AHI1: variants seen among roughly 807,000 people sequenced by gnomAD.
AHI1 encodes jouberin.
Under a neutral mutation model 149.3 loss-of-function variants are expected in AHI1, and 123 were observed. The observed-to-expected ratio is 0.82, with a 90% CI of 0.71 to 0.96. The LOEUF is 0.96. Ranked by LOEUF, AHI1 falls within the 40% of genes least tolerant of loss-of-function variation. The pLI is 0.00. For synonymous variants in AHI1, 475 were observed against 459.8 expected (o/e 1.03, Z -0.42); for missense variants, 1,439 against 1,422.7 (o/e 1.01, Z -0.18).
chr6:135,455,643 TGC>T, intron 10 of AHI1, 89 bp downstream of exon 10: 1 of 994,364 alleles, frequency 1.0e-6, no homozygotes, highest in Non-Finnish European at 1.4e-6. Flanking sequence ...CTTTTTTTTT[TGC>T]CTTACTGGAC....
Position 135,386,452 on chromosome 6 carries a change from AG to A in AHI1, c.3109+8323del, listed in dbSNP as rs758512464. On this transcript the variant is annotated intron_variant, in intron 23 of 28. Transcript: ENST00000265602. ...CAGCCTCCCAAGTAGCTGGGACTAC[AG>A]GCACCTGCCACCGTGCCCAGCTAAT... Among the ~76,000 whole-genome samples, 11 of 151,944 alleles carry A rather than the reference AG, an allele frequency of 7.2e-5. No individual in the cohort carries two copies. In the South Asian group the frequency reaches 1.5e-3, roughly 20 times the overall value.
At chr6:135,310,032 T>A (rs147160433) in intron 26 of AHI1, among the ~76,000 whole-genome samples, 164 of 152,276 alleles carry the variant, frequency 1.1e-3, no homozygotes, top group African/African-American at 3.8e-3. Context: ...TCTTTAGCAA[T>A]AGAAAAGAAG....
At chr6:135,313,349 C>T (rs563848287) in intron 26 of AHI1, among the ~76,000 whole-genome samples, 15 of 152,300 alleles carry the variant, frequency 9.8e-5, no homozygotes, top group African/African-American at 2.9e-4. Flanking sequence ...AAGAAATCCA[C>T]GCATCTTAAG....
chr6:135,382,246 C>G (rs1037224983), intron 23 of AHI1, among the ~76,000 whole-genome samples: 16 of 152,202 alleles, frequency 1.1e-4, no homozygotes, highest in African/African-American at 3.9e-4. Context: ...TTCTCAGTAA[C>G]TTTGCTCTCA....
intron 25 of AHI1, among the ~76,000 whole-genome samples, chr6:135,322,844 GAGA>G (rs1389442803): frequency 2.6e-5 from 4 of 152,226 alleles, no homozygotes. Flanking sequence ...ACTGTGGCTA[GAGA>G]AGAACTGACA....
At chr6:135,414,438 T>C (rs2127982073) in intron 20 of AHI1, among the ~76,000 whole-genome samples, 1 of 152,304 alleles carries the variant, frequency 6.6e-6, no homozygotes, top group Non-Finnish European at 1.5e-5. Flanking sequence ...AAGCTGATAA[T>C]TTGAACTTCA....
At chr6:135,449,950 T>A (rs928222100) in intron 11 of AHI1, among the ~76,000 whole-genome samples, 7 of 152,200 alleles carry the variant, frequency 4.6e-5, no homozygotes, top group Non-Finnish European at 7.3e-5. Flanking sequence ...CAGATGGTGG[T>A]ACCACCAATT....
At chr6:135,484,869 T>C (rs1415079775) in intron 5 of AHI1, among the ~76,000 whole-genome samples, 5 of 152,150 alleles carry the variant, frequency 3.3e-5, no homozygotes, top group Non-Finnish European at 7.4e-5. Flanking sequence ...CTTTTATCCC[T>C]TTTAAGAACA....
At chr6:135,441,592 A>C (rs752181152) in intron 14 of AHI1, among the ~76,000 whole-genome samples, 1 of 152,210 alleles carries the variant, frequency 6.6e-6, no homozygotes, top group Non-Finnish European at 1.5e-5. Flanking sequence ...ATAGCATTTT[A>C]AAGCAAGTTT....
At position 135,455,913 on chromosome 6, in the gene AHI1, A is replaced by G. The variant is rs771280049; in HGVS notation, c.1165T>C (p.Ser389Pro). The G allele has an allele frequency of 2.0e-6, 3 of 1,495,428 alleles. No individual in the cohort carries two copies. The highest frequency in any genetic ancestry group is 2.7e-6 in the Non-Finnish European group (3 of 1,112,372). 92.6% of individuals were successfully genotyped at this position (1,495,428 alleles called of 1,614,324 possible). The part of the protein sequence containing the change: ...VKKDDSGRPV[S>P]SYYEKENVDY... ...ACATTCTCTTTTTCATAGTAAGATG[A>G]AACAGGCCGTCCACTGTACAAAAAA... The change falls in exon 10 of 29, where the codon TCA (serine) becomes CCA (proline). Residue 389 changes from serine to proline, a missense_variant. Coordinates refer to ENST00000265602, the MANE Select transcript of AHI1 (RefSeq NM_001134831.2).
intron 2 of AHI1, 30 bp from the exon 3 acceptor site, chr6:135,495,928 C>G (rs752816546): frequency 6.6e-6 from 1 of 151,972 alleles, no homozygotes; most frequent in Non-Finnish European, 1.5e-5. Flanking sequence ...TACCAAAAAG[C>G]AAAGTAATCA....
intron 23 of AHI1, among the ~76,000 whole-genome samples, chr6:135,376,881 C>CAAAAAAAAAAAAAAAAAAAAAA (rs1167083326): frequency 3.4e-5 from 1 of 29,414 alleles, no homozygotes; most frequent in African/African-American, 1.6e-4. Context: ...GACTCCATCT[C>CAAAAAAAAAAAAAAAAAAAAAA]AAAAAAAAAA....
In AHI1 at chr6:135,288,570, TTATA is replaced by T. The variant is rs558272037; in HGVS notation, c.3588+1849_3588+1852del. ...AATTATTCATGTCTTTTGATGTATA[TTATA>T]TAAACTATTTTATAATCATTTTTTA... is the stretch of plus-strand genomic sequence containing the variant. On this transcript the variant is annotated intron_variant, in intron 28 of 28. Coordinates refer to ENST00000265602, the MANE Select transcript of AHI1 (RefSeq NM_001134831.2). 9.1e-4 allele frequency among the ~76,000 whole-genome samples: 138 copies of T among 152,058 alleles called. 5 individuals are homozygous for T. Among genetic ancestry groups the T allele is most frequent in the African/African-American group, 3.1e-3 (128 of 41,378 alleles).
intron 23 of AHI1, 136 bp downstream of exon 23, chr6:135,394,640 G>A (rs1778964898): frequency 1.6e-6 from 2 of 1,241,780 alleles, no homozygotes; most frequent in Non-Finnish European, 2.3e-6. Context: ...AAGGACAAAA[G>A]AGATGCTAGA....
chr6:135,423,992 T>C (rs559265467), intron 20 of AHI1, among the ~76,000 whole-genome samples: 194 of 152,084 alleles, frequency 1.3e-3, no homozygotes, highest in African/African-American at 4.4e-3. Flanking sequence ...TAGGTACTAG[T>C]AGGAAAAAGA....
chr6:135,318,053 G>A (rs1786245595), intron 26 of AHI1, among the ~76,000 whole-genome samples: 1 of 152,148 alleles, frequency 6.6e-6, no homozygotes, highest in African/African-American at 2.4e-5. Context: ...TACTCTGGCT[G>A]GTAATACATC....
intron 24 of AHI1, among the ~76,000 whole-genome samples, chr6:135,338,152 T>A (rs767041127): frequency 1.3e-5 from 2 of 151,524 alleles, no homozygotes; most frequent in Admixed American, 6.6e-5. Flanking sequence ...ACAAAAAAAA[T>A]TAGCCGGCAT....
intron 26 of AHI1, among the ~76,000 whole-genome samples, chr6:135,305,975 C>T (rs556171566): frequency 6.6e-6 from 1 of 152,212 alleles, no homozygotes; most frequent in African/African-American, 2.4e-5. Context: ...CACTTCTCAC[C>T]ACATGGTCTC....
intron 26 of AHI1, chr6:135,302,820 T>G: frequency 7.8e-7 from 1 of 1,288,834 alleles, no homozygotes; most frequent in Non-Finnish European, 1.0e-6. Flanking sequence ...TATTTTACCT[T>G]TAAACGAAAA....
Sources: allele counts gnomAD v4.1 joint callset (sites outside exome capture counted in the v4.1 genomes callset), GRCh38; gene constraint gnomAD v4.1.1; transcripts MANE v1.5; gene names NCBI Gene and HGNC (gene_info 2026-07-23, HGNC 2026-07-21).